Variants in OSBPL10 observed in about 807,000 individuals in gnomAD.
OSBPL10 encodes oxysterol binding protein like 10.
OSBPL10 carries 49 observed loss-of-function variants against 81.7 expected under a neutral mutation model. The observed-to-expected ratio is 0.60, with a 90% CI of 0.48 to 0.76. The LOEUF (loss-of-function observed/expected upper bound fraction) is 0.76. Among genes scored for constraint, OSBPL10 ranks in the 30% least tolerant of loss-of-function variants. The probability of loss-of-function intolerance (pLI) is 0.00; values close to 1 mark genes in which losing one functional copy is unlikely to be tolerated. For synonymous variants in OSBPL10, 419 were observed against 383.6 expected (o/e 1.09, Z -1.08); for missense variants, 923 against 987.8 (o/e 0.93, Z 0.88).
chr3:31,747,486 A>AG (rs1697560974), intron 5 of OSBPL10, among the ~76,000 whole-genome samples: 1 of 105,576 alleles, frequency 9.5e-6, no homozygotes, highest in East Asian at 3.1e-4. Context: ...GAATCTTCAA[A>AG]TAAAAAAAAA....
At chr3:31,942,329 A>G (rs1438624353) in intron 1 of OSBPL10, among the ~76,000 whole-genome samples, 1 of 151,978 alleles carries the variant, frequency 6.6e-6, no homozygotes, top group Non-Finnish European at 1.5e-5. Context: ...AGGCGGGCGG[A>G]TCAGGAGTTT....
intron 5 of OSBPL10, among the ~76,000 whole-genome samples, chr3:31,737,306 G>T (rs1697208504): frequency 6.6e-6 from 1 of 152,124 alleles, no homozygotes; most frequent in Admixed American, 6.5e-5. Context: ...ATTCTTACGT[G>T]GAGTGAATAA....
At chr3:32,011,289 T>G (rs1699253945) in intron 2 of OSBPL10, among the ~76,000 whole-genome samples, 1 of 152,192 alleles carries the variant, frequency 6.6e-6, no homozygotes, top group Admixed American at 6.5e-5. Flanking sequence ...TCAGCAATAT[T>G]CACTGTTCTT....
At chr3:31,891,727 C>T (rs1008337236) in intron 1 of OSBPL10, among the ~76,000 whole-genome samples, 1 of 152,248 alleles carries the variant, frequency 6.6e-6, no homozygotes, top group Middle Eastern at 3.4e-3. Context: ...GGGGCTCACA[C>T]TCAGCTGTCA....
intron 4 of OSBPL10, among the ~76,000 whole-genome samples, chr3:31,807,497 TG>T (rs1699550718): frequency 6.6e-6 from 1 of 151,238 alleles, no homozygotes; most frequent in African/African-American, 2.4e-5. Context: ...CATGGCATGG[TG>T]GCTCATGCCT....
At chr3:31,873,591 C>G (rs1375604665) in intron 3 of OSBPL10, among the ~76,000 whole-genome samples, 2 of 152,042 alleles carry the variant, frequency 1.3e-5, no homozygotes, top group African/African-American at 4.8e-5. Context: ...TTTTTCCCAC[C>G]CTGAACACGA....
At chr3:31,848,016 C>A (rs1374230287) in intron 3 of OSBPL10, among the ~76,000 whole-genome samples, 1 of 152,104 alleles carries the variant, frequency 6.6e-6, no homozygotes, top group Non-Finnish European at 1.5e-5. Context: ...CTCCTGCCAG[C>A]ACCTCCCTCA....
At chr3:31,738,452 A>C (rs1697254317) in intron 5 of OSBPL10, among the ~76,000 whole-genome samples, 1 of 152,160 alleles carries the variant, frequency 6.6e-6, no homozygotes, top group East Asian at 1.9e-4. Flanking sequence ...TGAACAGGCA[A>C]ACAGAAGAAT....
chr3:31,850,358 T>C (rs1700733634), intron 3 of OSBPL10, among the ~76,000 whole-genome samples: 1 of 151,508 alleles, frequency 6.6e-6, no homozygotes, highest in East Asian at 1.9e-4. Flanking sequence ...AGAAAAAAAT[T>C]CCAAGAGCTA....
rs184376541 is a variant in OSBPL10, at chr3:32,038,242, G to T, written n.298+8249C>A. On this transcript the variant is annotated intron_variant and non_coding_transcript_variant, in intron 2 of 3. Transcript: ENST00000479173. ...ACAGGCGAGCCCCAAAAACATTACG[G>T]CCAGGAGAAAAAGCCAGATGCAAAA... Among the ~76,000 whole-genome samples, 404 of 152,240 alleles carry T rather than the reference G, an allele frequency of 2.7e-3. 3 individuals are homozygous for T. Among genetic ancestry groups the T allele is most frequent in the Non-Finnish European group, 4.7e-4 (32 of 68,008 alleles).
chr3:31,992,417 A>C (rs544283350), intron 2 of OSBPL10, among the ~76,000 whole-genome samples: 1 of 152,164 alleles, frequency 6.6e-6, no homozygotes, highest in Non-Finnish European at 1.5e-5. Context: ...TGGGTCTTAC[A>C]TGGTAAAATC....
At chr3:32,075,284 T>A (rs960264980) in intron 1 of OSBPL10, among the ~76,000 whole-genome samples, 2 of 152,172 alleles carry the variant, frequency 1.3e-5, no homozygotes, top group Admixed American at 1.3e-4. Context: ...TATTTTTAAA[T>A]GAAGAGTGTT....
chr3:32,047,871 T>C (rs961281006), intron 1 of OSBPL10, among the ~76,000 whole-genome samples: 3 of 152,084 alleles, frequency 2.0e-5, no homozygotes, highest in Non-Finnish European at 4.4e-5. Flanking sequence ...TTCACCATGT[T>C]AGCCAGGATG....
chr3:32,010,533 A>C (rs551530366), intron 2 of OSBPL10, among the ~76,000 whole-genome samples: 8 of 152,262 alleles, frequency 5.3e-5, no homozygotes, highest in Non-Finnish European at 1.0e-4. Flanking sequence ...AATATGAATG[A>C]TTTCTGCATT....
chr3:31,678,573 A>G (rs1472168348), intron 8 of OSBPL10, among the ~76,000 whole-genome samples: 3 of 152,170 alleles, frequency 2.0e-5, no homozygotes, highest in African/African-American at 7.2e-5. Flanking sequence ...TTGCAAATCT[A>G]CCTTTTCGAA....
chr3:31,981,279 C>G (rs62244394), upstream of OSBPL10: 102,778 of 1,292,854 alleles, frequency 0.079, 6,820 homozygotes, highest in East Asian at 0.44. The surrounding 1 kb of genome is among the most constrained non-coding windows in gnomAD (Gnocchi z 4.5). Flanking sequence ...GCCGCGCGTG[C>G]CTGCTCCAAA....
Position 31,769,465 on chromosome 3 carries a change from AAAAAC to A in OSBPL10, c.730-21350_730-21346del, listed in dbSNP as rs1223758888. Among the ~76,000 whole-genome samples the A allele has an allele frequency of 3.0e-5, 3 of 100,516 alleles. 1 individual carries two copies. The highest frequency in any genetic ancestry group is 4.2e-5 in the Non-Finnish European group (2 of 47,158). 65.9% of individuals were successfully genotyped at this position (100,516 alleles called of 152,430 possible). A position where few individuals can be genotyped will look rare whatever the true frequency, so the allele number is the denominator to read the frequency against. On this transcript the variant is annotated intron_variant, in intron 4 of 11. Transcript: ENST00000396556. ...CATCTCAAAAAAAAAAAAACAAAAA[AAAAAC>A]AAAAAAAAACAGAATAAAAATATAT...
chr3:31,729,536 C>A (rs1303873626), intron 6 of OSBPL10, among the ~76,000 whole-genome samples: 1 of 152,164 alleles, frequency 6.6e-6, no homozygotes, highest in Non-Finnish European at 1.5e-5. Context: ...ATTCTCCTGC[C>A]TCAGCTTCTT....
At chr3:31,824,437 T>C (rs1294487750) in intron 4 of OSBPL10, among the ~76,000 whole-genome samples, 1 of 152,124 alleles carries the variant, frequency 6.6e-6, no homozygotes, top group African/African-American at 2.4e-5. Context: ...CATCATAAAG[T>C]CTCTGATCCA....
Sources: allele counts gnomAD v4.1 joint callset (sites outside exome capture counted in the v4.1 genomes callset), GRCh38; gene constraint gnomAD v4.1.1; non-coding constraint Gnocchi (gnomAD v3.1); transcripts MANE v1.5; gene names NCBI Gene and HGNC (gene_info 2026-07-23, HGNC 2026-07-21).